The following GAS6 variants were observed in gnomAD, a reference collection of about 807,000 sequenced individuals.
The protein encoded by GAS6 is growth arrest specific 6, also known as growth arrest-specific protein 6.
A neutral mutation model predicts 75.8 loss-of-function variants in GAS6; 41 were observed. That is an observed-to-expected ratio of 0.54 (90% CI 0.42 to 0.70). The LOEUF (loss-of-function observed/expected upper bound fraction) is 0.70. Among genes scored for constraint, GAS6 ranks in the 30% least tolerant of loss-of-function variants. GAS6 has a pLI of 0.00. For synonymous variants in GAS6, 432 were observed against 412.6 expected (o/e 1.05, Z -0.57); for missense variants, 854 against 940.2 (o/e 0.91, Z 1.20).
chr13:113,835,577 G>A lies in GAS6; in HGVS notation c.648C>T (p.Pro216=), dbSNP rs202071382. 84 of 1,612,574 alleles carry A rather than the reference G, an allele frequency of 5.2e-5. No individual in the cohort carries two copies. Among genetic ancestry groups the A allele is most frequent in the East Asian group, 2.7e-4 (12 of 44,872 alleles). Residue 216 remains proline, a synonymous_variant, in exon 7 of 15, where the codon CCC becomes CCT. Coordinates refer to ENST00000327773, the MANE Select transcript of GAS6 (RefSeq NM_000820.4). ...ACGEARCKNL[P]GSYSCLCDEG... Reference sequence around the variant, plus strand: ...CGTCACAGAGGCAGGAGTAGGAGCCGGGCAGGTTCTTGCAGCGCGCCTCCC... The same window carrying A: ...CGTCACAGAGGCAGGAGTAGGAGCCAGGCAGGTTCTTGCAGCGCGCCTCCC...
chr13:113,832,757 C>A lies in GAS6; in HGVS notation c.835-5G>T. ...GGGCACGCACGGCAAGATGTCCTGC[C>A]ACGGACGGGGGCCACGCCGGTCGGG... On this transcript the variant is annotated splice_polypyrimidine_tract_variant and splice_region_variant and intron_variant, in intron 8 of 14. Transcript: ENST00000327773. 6.2e-7 allele frequency: 1 copy of A among 1,612,590 alleles called. No individual in the cohort carries two copies. The highest frequency in any genetic ancestry group is 8.5e-7 in the Non-Finnish European group (1 of 1,179,910).
intron 7 of GAS6, 43 bp downstream of exon 7, chr13:113,835,470 T>C (rs772761294): frequency 1.2e-6 from 2 of 1,603,300 alleles, no homozygotes; most frequent in Non-Finnish European, 1.7e-6. Context: ...GTGTCTAGAC[T>C]TGGGCGTCAG....
At chr13:113,835,360 C>A (rs887403387) in intron 7 of GAS6, among the ~76,000 whole-genome samples, 153 bp downstream of exon 7, 1 of 151,610 alleles carries the variant, frequency 6.6e-6, no homozygotes, top group Non-Finnish European at 1.5e-5. Flanking sequence ...ATGGTGGTAG[C>A]ACAGGCCATT....
At chr13:113,856,952 G>A (rs929423137) in intron 2 of GAS6, among the ~76,000 whole-genome samples, 4 of 152,182 alleles carry the variant, frequency 2.6e-5, no homozygotes, top group African/African-American at 9.7e-5. Context: ...CAGCCTGGCC[G>A]AACGTTTGGC....
chr13:113,840,255 T>G, intron 4 of GAS6: 1 of 209,164 alleles, frequency 4.8e-6, no homozygotes, highest in Non-Finnish European at 9.5e-6. Flanking sequence ...GGCCAGCCCC[T>G]AGCCCATCTC....
chr13:113,863,628 C>T lies in GAS6; in HGVS notation c.202G>A (p.Glu68Lys). The change falls in exon 2 of 15, where the codon GAG becomes AAG. Residue 68 changes from glutamate (E) to lysine (K), a missense_variant. Glu to Lys is a moderately conservative substitution (Grantham distance 56, BLOSUM62 1). Transcript: ENST00000327773. This position sits in a 1 kb window ranked among gnomAD's most constrained non-coding sequence, Gnocchi z 9.4. Reference sequence around the variant, plus strand: ...CGCGCCTCCTCGCGGCTGCACAGCTCCTCCACGCACTCCCTCTCCAGGTGG... The same window carrying T: ...CGCGCCTCCTCGCGGCTGCACAGCTTCTCCACGCACTCCCTCTCCAGGTGG... ...QGHLERECVE[E>K]LCSREEAREV... The T allele has an allele frequency of 6.5e-7, 1 of 1,527,564 alleles. No homozygotes were observed. Among genetic ancestry groups the T allele is most frequent in the Non-Finnish European group, 8.8e-7 (1 of 1,137,158 alleles). 94.6% of individuals were successfully genotyped at this position (1,527,564 alleles called of 1,614,324 possible).
At chr13:113,860,412 G>A (rs1220057654) in intron 2 of GAS6, among the ~76,000 whole-genome samples, 1 of 152,222 alleles carries the variant, frequency 6.6e-6, no homozygotes, top group Non-Finnish European at 1.5e-5. Flanking sequence ...GGCAGGCACC[G>A]GAGGACCTGG....
At position 113,820,993 on chromosome 13, in the gene GAS6, G is replaced by A. The variant is rs780686636; in HGVS notation, c.1908C>T (p.Val636=). The A allele has an allele frequency of 1.9e-6, 3 of 1,612,646 alleles. No homozygotes were observed. The highest frequency in any genetic ancestry group is 1.3e-5 in the African/African-American group (1 of 75,052). Residue 636 remains valine, a synonymous_variant, in exon 15 of 15, where the codon GTC becomes GTT. Coordinates refer to ENST00000327773, the MANE Select transcript of GAS6 (RefSeq NM_000820.4). ...TCATGCAGCCGCGGTAGAACGCGGT[G>A]ACTGGCGCTGAAGTCACCGGCACAT... is the stretch of plus-strand genomic sequence containing the variant. ...LPDVPVTSAP[V]TAFYRGCMTL... is the part of the protein sequence containing the mutation.
At position 113,835,078 on chromosome 13, in the gene GAS6, C is replaced by A. The variant is rs532438331; in HGVS notation, c.713-406G>T. ...TGCAGGCAGCCTGGGCTTCCCCACC[C>A]TCTCTGTCTGCCTACTCAGCCCCAC... is the stretch of plus-strand genomic sequence containing the variant. On this transcript the variant is annotated intron_variant, in intron 7 of 14. Transcript: ENST00000327773. Among the ~76,000 whole-genome samples the A allele has an allele frequency of 2.0e-5, 3 of 152,352 alleles. No homozygotes were observed. In the South Asian group the frequency reaches 6.2e-4, roughly 32 times the overall value.
intron 2 of GAS6, among the ~76,000 whole-genome samples, chr13:113,862,300 C>T (rs933546345): frequency 2.6e-5 from 4 of 152,182 alleles, no homozygotes; most frequent in Non-Finnish European, 5.9e-5. Context: ...CTCCCATCAC[C>T]AGCACGCCCC....
chr13:113,862,224 C>T (rs909727796), intron 2 of GAS6, among the ~76,000 whole-genome samples: 3 of 152,298 alleles, frequency 2.0e-5, no homozygotes, highest in African/African-American at 2.4e-5. Flanking sequence ...GGAGGGGCTG[C>T]GGCCAGGCCT....
At position 113,824,159 on chromosome 13, in the gene GAS6, C is replaced by T. The variant is rs374068820; in HGVS notation, c.1478-609G>A. ...TCTGGGGTCTGAGCTGTCGGGAGCA[C>T]GCGTGGTCTGGGGTCTGAGCTGTCA... is the stretch of plus-strand genomic sequence containing the variant. On this transcript the variant is annotated intron_variant, in intron 12 of 14. Transcript: ENST00000327773. 2.6e-4 allele frequency among the ~76,000 whole-genome samples: 23 copies of T among 86,822 alleles called. No individual in the cohort carries two copies. In the East Asian group the frequency reaches 5.3e-3, roughly 20 times the overall value. 57.0% of individuals were successfully genotyped at this position (86,822 alleles called of 152,430 possible).
rs2051737456 is a variant in GAS6 at position 113,838,243 on chromosome 13, C to A, written c.467-52G>T. On this transcript the variant is annotated intron_variant, in intron 5 of 14. Transcript: ENST00000327773. ...GAGCCCAAGGGTGCACAGCCCCTGG[C>A]TACGGTAGGAAGAGATCCCAGAGGT... is the stretch of plus-strand genomic sequence containing the variant. The A allele has an allele frequency of 2.5e-6, 4 of 1,605,364 alleles. No homozygotes were observed. In the East Asian group the frequency reaches 8.9e-5, roughly 36 times the overall value.
chr13:113,856,419 T>G (rs1325980146), intron 2 of GAS6, among the ~76,000 whole-genome samples: 2 of 152,036 alleles, frequency 1.3e-5, no homozygotes, highest in African/African-American at 4.8e-5. Flanking sequence ...ATCTGTAAAA[T>G]GGCTCAGTGA....
At chr13:113,858,749 TAGTA>T (rs1267789559) in intron 2 of GAS6, among the ~76,000 whole-genome samples, 5 of 151,656 alleles carry the variant, frequency 3.3e-5, no homozygotes. Context: ...ACATGTCTGT[TAGTA>T]TGTGTGTGCG....
intron 14 of GAS6, 63 bp downstream of exon 14, chr13:113,821,895 G>T: frequency 7.5e-7 from 1 of 1,329,614 alleles, no homozygotes; most frequent in Non-Finnish European, 1.0e-6. Flanking sequence ...TTAGATCTGG[G>T]GTGACCAAGC....
intron 12 of GAS6, 34 bp from the exon 13 acceptor site, chr13:113,823,584 G>A: frequency 6.3e-7 from 1 of 1,575,106 alleles, no homozygotes; most frequent in Non-Finnish European, 8.7e-7. Flanking sequence ...AGGGTGGTAT[G>A]CACGGTGGAG....
At chr13:113,822,485 A>C in intron 13 of GAS6, 2 of 300,990 alleles carry the variant, frequency 6.6e-6, no homozygotes, top group Non-Finnish European at 6.2e-6. Context: ...AGGCACACAC[A>C]AGACCGAGGC....
Position 113,839,764 on chromosome 13 carries a change from A to C in GAS6, c.430T>G (p.Cys144Gly). ...QDLMGNFFCL[C>G]KAGWGGRLCD... ...AGCCGGCCCCCCCAGCCAGCTTTAC[A>C]CAGGCAGAAGAAGTTGCCCATGAGG... Residue 144 changes from cysteine to glycine, a missense_variant, in exon 5 of 15, where the codon TGT becomes GGT. By Grantham distance (159) the Cys-to-Gly change is radical. Transcript: ENST00000327773. The C allele has an allele frequency of 6.2e-7, 1 of 1,614,000 alleles. No homozygotes were observed. Among genetic ancestry groups the C allele is most frequent in the Non-Finnish European group, 8.5e-7 (1 of 1,179,992 alleles).
Sources: gnomAD v4.1 joint callset for allele counts (sites outside exome capture counted in the v4.1 genomes callset) on GRCh38, gnomAD v4.1.1 for gene constraint, Gnocchi (gnomAD v3.1) non-coding constraint, MANE v1.5 for transcripts, NCBI Gene and HGNC (gene_info 2026-07-23, HGNC 2026-07-21) for gene names.